WDR1: variants seen among roughly 807,000 people sequenced by gnomAD.
WDR1 encodes WD repeat-containing protein 1.
Under a neutral mutation model 71.9 loss-of-function variants are expected in WDR1, and 21 were observed. That is an observed-to-expected ratio of 0.29 (90% CI 0.21 to 0.42). WDR1 has a LOEUF of 0.42. Among genes scored for constraint, WDR1 ranks in the 10% least tolerant of loss-of-function variants. WDR1 has a pLI of 1.00. For synonymous variants in WDR1, 424 were observed against 347.4 expected (o/e 1.22, Z -2.45); for missense variants, 696 against 824.5 (o/e 0.84, Z 1.91).
chr4:10,095,610 G>C (rs757353715), intron 5 of WDR1, among the ~76,000 whole-genome samples: 1 of 152,222 alleles, frequency 6.6e-6, no homozygotes, highest in Non-Finnish European at 1.5e-5. Context: ...ACACCAAAGT[G>C]TATCTGCAAC....
At chr4:10,083,725 G>C (rs1301883649) in intron 9 of WDR1, 1 of 456,966 alleles carries the variant, frequency 2.2e-6, no homozygotes, top group Admixed American at 2.3e-5. Flanking sequence ...TCCCTGCCCA[G>C]GCACTCTGCA....
intron 2 of WDR1, chr4:10,108,401 C>G (rs189704179): frequency 6.6e-6 from 1 of 152,104 alleles, no homozygotes; most frequent in South Asian, 2.1e-4. Context: ...GATACCTGCC[C>G]AAGCAAAAAA....
intron 11 of WDR1, among the ~76,000 whole-genome samples, chr4:10,079,978 C>CAG (rs1764950911): frequency 6.6e-6 from 1 of 151,690 alleles, no homozygotes; most frequent in Admixed American, 6.6e-5. Context: ...ACCCTCCTAA[C>CAG]TCTTTGACTG....
chr4:10,096,204 C>T (rs1712341971), intron 5 of WDR1: 2 of 152,222 alleles, frequency 1.3e-5, no homozygotes, highest in Admixed American at 1.3e-4. Context: ...GAAATGATCC[C>T]TCCCAGGGCA....
intron 14 of WDR1, 171 bp downstream of exon 14, chr4:10,077,133 G>T: frequency 1.0e-6 from 1 of 962,326 alleles, no homozygotes; most frequent in Non-Finnish European, 1.5e-6. Context: ...GGCCAGCAGC[G>T]CAGCTGGTGT....
rs548971693 is a variant in WDR1 at position 10,083,997 on chromosome 4, G to A, written c.1039+446C>T. Among the ~76,000 whole-genome samples the A allele has an allele frequency of 7.2e-5, 11 of 152,328 alleles. 1 individual carries two copies. The highest frequency in any genetic ancestry group is 2.6e-4 in the African/African-American group (11 of 41,582). On this transcript the variant is annotated intron_variant, in intron 9 of 14. Transcript: ENST00000499869. ...TCTGGGGCGGGCACATCAGCTCTCT[G>A]GGCTCTGGTTTTCCTATTTTTAAAA...
chr4:10,102,604 G>C (rs1299831025), intron 3 of WDR1, among the ~76,000 whole-genome samples: 1 of 152,174 alleles, frequency 6.6e-6, no homozygotes, highest in Non-Finnish European at 1.5e-5. Flanking sequence ...CAAGAACTAT[G>C]AGCCAATACA....
intron 11 of WDR1, among the ~76,000 whole-genome samples, chr4:10,080,123 C>G (rs1764955280): frequency 6.6e-6 from 1 of 152,226 alleles, no homozygotes; most frequent in Non-Finnish European, 1.5e-5. Flanking sequence ...CCCTGCACAC[C>G]ACAACCCTAC....
At chr4:10,078,140 CG>C (rs1280712502) in intron 12 of WDR1, among the ~76,000 whole-genome samples, 1 of 152,212 alleles carries the variant, frequency 6.6e-6, no homozygotes, top group Non-Finnish European at 1.5e-5. Context: ...CTCGGGGCAC[CG>C]CTGGTCTCAT....
intron 3 of WDR1, among the ~76,000 whole-genome samples, chr4:10,103,628 C>G (rs1712838800): frequency 6.6e-6 from 1 of 152,142 alleles, no homozygotes; most frequent in Admixed American, 6.5e-5. Flanking sequence ...AAAAGTGTAC[C>G]AATTTGTGTT....
intron 8 of WDR1, among the ~76,000 whole-genome samples, chr4:10,085,142 C>G (rs1312087315): frequency 6.6e-6 from 1 of 152,212 alleles, no homozygotes; most frequent in Non-Finnish European, 1.5e-5. Flanking sequence ...CAGAGGGCGG[C>G]GTTTAGCCCC....
At chr4:10,116,270 C>T (rs763667686) in intron 1 of WDR1, 36 bp from the exon 2 acceptor site, 1 of 1,612,244 alleles carries the variant, frequency 6.2e-7, no homozygotes, top group Non-Finnish European at 8.5e-7. Context: ...CATGTCAGGG[C>T]AGGGCGGGGA....
chr4:10,080,487 G>C (rs1221490568), intron 11 of WDR1, among the ~76,000 whole-genome samples: 1 of 152,218 alleles, frequency 6.6e-6, no homozygotes, highest in Admixed American at 6.5e-5. Context: ...TTACTTGGCA[G>C]GGATTTCTTA....
chr4:10,096,961 T>C (rs1008856483), intron 5 of WDR1, among the ~76,000 whole-genome samples: 8 of 152,216 alleles, frequency 5.3e-5, no homozygotes, highest in African/African-American at 1.9e-4. Context: ...GTGCTGAGAC[T>C]GGCTGCTGGG....
At chr4:10,077,730 A>G (rs1029146252) in intron 13 of WDR1, 23 bp downstream of exon 13, 2 of 1,550,048 alleles carry the variant, frequency 1.3e-6, no homozygotes, top group Admixed American at 3.8e-5. Context: ...ACGGGGACAG[A>G]GGAGGAGCCC....
intron 11 of WDR1, among the ~76,000 whole-genome samples, chr4:10,080,757 AGGTGGC>A (rs1296783306): frequency 1.3e-5 from 2 of 152,232 alleles, no homozygotes; most frequent in Non-Finnish European, 2.9e-5. Flanking sequence ...AAAGGTGTGC[AGGTGGC>A]CCCACTGTCT....
chr4:10,103,283 CACACAG>C (rs1326426033), intron 3 of WDR1, among the ~76,000 whole-genome samples: 12 of 27,846 alleles, frequency 4.3e-4, no homozygotes, highest in African/African-American at 2.3e-3. Context: ...CACACACACA[CACACAG>C]ACACACACAC....
intron 5 of WDR1, chr4:10,093,280 T>C (rs3822242): frequency 0.47 from 240,820 of 509,976 alleles, 58,555 homozygotes; most frequent in Admixed American, 0.56. Context: ...CACATGCCTA[T>C]GAGCTGGTAG....
chr4:10,085,071 A>T (rs576176608), intron 8 of WDR1, among the ~76,000 whole-genome samples: 21 of 152,148 alleles, frequency 1.4e-4, no homozygotes, highest in African/African-American at 5.1e-4. Context: ...TCCTACCCTA[A>T]CCTCCCTGAC....
Sources: gnomAD v4.1 joint callset for allele counts (sites outside exome capture counted in the v4.1 genomes callset) on GRCh38, gnomAD v4.1.1 for gene constraint, MANE v1.5 for transcripts, NCBI Gene and HGNC (gene_info 2026-07-23, HGNC 2026-07-21) for gene names.